TNS3: variants seen among roughly 807,000 people sequenced by gnomAD.
TNS3 encodes the protein tensin 3.
In TNS3, 45 loss-of-function variants were observed where a neutral mutation model predicts 140.9. The ratio of observed to expected loss-of-function variants is 0.32; its 90% CI spans 0.25 to 0.41. The LOEUF (loss-of-function observed/expected upper bound fraction) is 0.41. Among genes scored for constraint, TNS3 ranks in the 10% least tolerant of loss-of-function variants. The pLI is 1.00. For synonymous variants in TNS3, 815 were observed against 788.4 expected (o/e 1.03, Z -0.56); for missense variants, 1,716 against 1,906.7 (o/e 0.90, Z 1.86).
chr7:47,346,089 C>CA, intron 18 of TNS3, 98 bp downstream of exon 18: 1 of 1,486,342 alleles, frequency 6.7e-7, no homozygotes, highest in South Asian at 1.3e-5. Context: ...GGGCTGTATT[C>CA]AGGGACAAGG....
chr7:47,442,128 G>A (rs1795495968), intron 4 of TNS3, 73 bp from the exon 5 acceptor site: 2 of 1,007,946 alleles, frequency 2.0e-6, no homozygotes, highest in Non-Finnish European at 2.6e-6. Context: ...ACACCACTGA[G>A]AGGGAACAAT....
At chr7:47,522,859 C>T (rs1799037437) in intron 2 of TNS3, among the ~76,000 whole-genome samples, 1 of 150,542 alleles carries the variant, frequency 6.6e-6, no homozygotes, top group Non-Finnish European at 1.5e-5. Flanking sequence ...ACCTGGGAGG[C>T]AGAGCTTGCT....
intron 2 of TNS3, among the ~76,000 whole-genome samples, chr7:47,512,114 C>A (rs558701350): frequency 4.6e-5 from 7 of 152,388 alleles, no homozygotes; most frequent in Admixed American, 3.3e-4. Flanking sequence ...GTGACACCAG[C>A]TGCCAGCCCA....
intron 17 of TNS3, among the ~76,000 whole-genome samples, chr7:47,360,812 G>A (rs771529424): frequency 3.3e-5 from 5 of 152,126 alleles, no homozygotes; most frequent in Non-Finnish European, 5.9e-5. Flanking sequence ...CTGAGGGCCC[G>A]GCACTGGCAG....
intron 4 of TNS3, among the ~76,000 whole-genome samples, chr7:47,464,960 A>G (rs907401983): frequency 6.6e-5 from 10 of 152,232 alleles, no homozygotes; most frequent in Non-Finnish European, 1.0e-4. Flanking sequence ...TTGAATCACA[A>G]TCTGTGCTCA....
Position 47,292,914 on chromosome 7 carries a change from T to C in TNS3, c.3773-9A>G. On this transcript the variant is annotated splice_polypyrimidine_tract_variant and intron_variant, in intron 25 of 30. Coordinates refer to ENST00000311160, the MANE Select transcript of TNS3 (RefSeq NM_022748.12). Reference sequence around the variant, plus strand: ...CAAGGCCGTCAGGCTCCCTGCAAAGTGGACAGACAGCAAACAAGAGTCAAC... The same window carrying C: ...CAAGGCCGTCAGGCTCCCTGCAAAGCGGACAGACAGCAAACAAGAGTCAAC... 1 of 1,613,756 alleles carries C rather than the reference T, an allele frequency of 6.2e-7. No homozygotes were observed. Among genetic ancestry groups the C allele is most frequent in the Non-Finnish European group, 8.5e-7 (1 of 1,179,832 alleles).
chr7:47,278,139 C>T lies in TNS3; in HGVS notation c.4275G>A (p.Gln1425=), dbSNP rs758896562. The part of the protein sequence containing the change: ...CHLFAEHDPE[Q]PASAIVNFVS... ...CGAAGTTGACAATGGCACTGGCAGGCTGCTCAGGGTCATGCTCTGCAAACA... is the reference window on the plus strand; with the variant it reads ...CGAAGTTGACAATGGCACTGGCAGGTTGCTCAGGGTCATGCTCTGCAAACA... The change falls in exon 31 of 31, where the codon CAG becomes CAA. Residue 1425 remains glutamine (Q), a synonymous_variant. Transcript: ENST00000311160. The T allele has an allele frequency of 1.9e-6, 3 of 1,614,032 alleles. No homozygotes were observed. The highest frequency in any genetic ancestry group is 2.5e-6 in the Non-Finnish European group (3 of 1,180,034).
chr7:47,460,429 T>C (rs1021486679), intron 4 of TNS3, among the ~76,000 whole-genome samples: 14 of 152,196 alleles, frequency 9.2e-5, no homozygotes, highest in Admixed American at 7.9e-4. Context: ...CGCACGGTGG[T>C]GCTTTGTCTT....
intron 16 of TNS3, among the ~76,000 whole-genome samples, chr7:47,392,690 G>A (rs79744012): frequency 0.018 from 2,699 of 152,356 alleles, 68 homozygotes; most frequent in African/African-American, 0.062. Flanking sequence ...ACCTGAGCCA[G>A]GCACTGCTGA....
chr7:47,467,129 A>T (rs1259862900), intron 4 of TNS3, among the ~76,000 whole-genome samples: 1 of 152,234 alleles, frequency 6.6e-6, no homozygotes. Flanking sequence ...ATGCAAGCAC[A>T]GCCTGCCCCG....
At chr7:47,525,094 T>A (rs1287676943) in intron 2 of TNS3, among the ~76,000 whole-genome samples, 1 of 152,140 alleles carries the variant, frequency 6.6e-6, no homozygotes, top group East Asian at 1.9e-4. Flanking sequence ...AGAGGAGCAT[T>A]AGCCAAACAG....
At chr7:47,565,940 T>A (rs1020367998) in intron 1 of TNS3, among the ~76,000 whole-genome samples, 4 of 152,228 alleles carry the variant, frequency 2.6e-5, no homozygotes, top group Non-Finnish European at 5.9e-5. Context: ...CACAGTCTGA[T>A]GGCATGATAT....
At chr7:47,392,406 T>C (rs1383148294) in intron 16 of TNS3, among the ~76,000 whole-genome samples, 2 of 152,178 alleles carry the variant, frequency 1.3e-5, no homozygotes, top group South Asian at 4.1e-4. Context: ...GAGGGCTCCA[T>C]TCCAGGACGG....
chr7:47,527,562 G>A (rs1799243384), intron 2 of TNS3, among the ~76,000 whole-genome samples: 1 of 152,196 alleles, frequency 6.6e-6, no homozygotes, highest in Admixed American at 6.5e-5. Flanking sequence ...CAGGGGAATG[G>A]CCAGTGACAG....
At position 47,424,078 on chromosome 7, in the gene TNS3, T is replaced by C. The variant is rs73326598; in HGVS notation, c.473+23A>G. On this transcript the variant is annotated intron_variant, in intron 10 of 30. Coordinates refer to ENST00000311160, the MANE Select transcript of TNS3 (RefSeq NM_022748.12). ...TAAAATTTCATTCACCTCTTCACTC[T>C]GGCTTTGGGGATCTATACATACCGT... is the stretch of plus-strand genomic sequence containing the variant. 2,047 of 1,612,186 alleles carry C rather than the reference T, an allele frequency of 1.3e-3. 26 individuals carry two copies. The African/African-American group carries it at 0.025, about 19-fold the overall frequency.
intron 3 of TNS3, among the ~76,000 whole-genome samples, chr7:47,497,644 A>G (rs1798059873): frequency 1.4e-5 from 2 of 145,678 alleles, no homozygotes; most frequent in Admixed American, 7.0e-5. Flanking sequence ...TTCGCCTAGT[A>G]CAGAGTTTCA....
chr7:47,568,898 G>A (rs1011615892), intron 1 of TNS3, among the ~76,000 whole-genome samples: 2 of 152,222 alleles, frequency 1.3e-5, no homozygotes, highest in Admixed American at 6.5e-5. Flanking sequence ...CTGATAGAGC[G>A]ATAACTTGTA....
chr7:47,341,680 C>G (rs1329027360), intron 20 of TNS3, among the ~76,000 whole-genome samples: 1 of 151,938 alleles, frequency 6.6e-6, no homozygotes, highest in Non-Finnish European at 1.5e-5. Context: ...CCACTTCTTT[C>G]ATTTATTTTC....
At chr7:47,382,371 T>G (rs1430038769) in intron 16 of TNS3, among the ~76,000 whole-genome samples, 2 of 152,216 alleles carry the variant, frequency 1.3e-5, no homozygotes, top group Admixed American at 6.5e-5. Context: ...CAGATCTTGT[T>G]TACGTAGCTG....
Sources: gnomAD v4.1 joint callset for allele counts (sites outside exome capture counted in the v4.1 genomes callset) on GRCh38, gnomAD v4.1.1 for gene constraint, MANE v1.5 for transcripts, NCBI Gene and HGNC (gene_info 2026-07-23, HGNC 2026-07-21) for gene names.